Variants in CSMD1 observed in about 807,000 individuals in gnomAD.
CSMD1 encodes CUB and sushi domain-containing protein 1.
CSMD1 carries 213 observed loss-of-function variants against 417.5 expected under a neutral mutation model. The observed-to-expected ratio is 0.51, with a 90% confidence interval of 0.46 to 0.57. The LOEUF is 0.57. CSMD1 is among the 20% of genes least tolerant of loss of function. The pLI, the probability that CSMD1 is intolerant of heterozygous loss-of-function variation, is 0.00. For synonymous variants in CSMD1, 2,862 were observed against 1,736.8 expected (o/e 1.65, Z -16.11); for missense variants, 6,923 against 4,529.7 (o/e 1.53, Z -15.17).
intron 1 of CSMD1, chr8:4,787,357 C>A (rs1458648480): frequency 1.8e-5 from 13 of 732,942 alleles, no homozygotes; most frequent in Non-Finnish European, 2.7e-5. Flanking sequence ...GTACTGAACA[C>A]TGGTAAAAAA....
chr8:4,289,381 G>A (rs1332148090), intron 3 of CSMD1, among the ~76,000 whole-genome samples: 2 of 140,584 alleles, frequency 1.4e-5, no homozygotes, highest in South Asian at 2.5e-4. Flanking sequence ...GATTAACATC[G>A]ATCAATTAGT....
chr8:4,047,886 G>A (rs960915911), intron 3 of CSMD1, among the ~76,000 whole-genome samples: 1 of 151,952 alleles, frequency 6.6e-6, no homozygotes, highest in Non-Finnish European at 1.5e-5. Context: ...TTACATCACT[G>A]AGCCTTTAGT....
At chr8:3,895,266 C>G (rs186212483) in intron 5 of CSMD1, among the ~76,000 whole-genome samples, 29 of 152,118 alleles carry the variant, frequency 1.9e-4, no homozygotes, top group Non-Finnish European at 4.0e-4. Context: ...AAGAGATGGT[C>G]TACTGCTTTC....
chr8:3,234,931 G>C (rs142271420), intron 26 of CSMD1, among the ~76,000 whole-genome samples: 58 of 152,256 alleles, frequency 3.8e-4, no homozygotes, highest in African/African-American at 1.3e-3. Flanking sequence ...CTGGTTTTCA[G>C]AAAATAATCA....
In CSMD1 at chr8:4,204,832, A is replaced by AT. The variant is rs11284145; in HGVS notation, c.416-172734dup. 4.3e-3 allele frequency among the ~76,000 whole-genome samples: 643 copies of AT among 151,186 alleles called. 3 individuals carry two copies. The highest frequency in any genetic ancestry group is 0.021 in the Middle Eastern group (6 of 292). On this transcript the variant is annotated intron_variant, in intron 3 of 69. Coordinates refer to ENST00000635120, the MANE Select transcript of CSMD1 (RefSeq NM_033225.6). ...AGCACACACAGCTAACTTTTATTTAATTTTTTTTTACAAAGACAGGGTATC... is the reference window on the plus strand; with the variant it reads ...AGCACACACAGCTAACTTTTATTTAATTTTTTTTTTACAAAGACAGGGTATC...
At chr8:3,952,233 G>C (rs1471623235) in intron 5 of CSMD1, among the ~76,000 whole-genome samples, 1 of 152,074 alleles carries the variant, frequency 6.6e-6, no homozygotes. Context: ...GATTAAGATG[G>C]TATGGGCCTT....
intron 2 of CSMD1, among the ~76,000 whole-genome samples, chr8:4,569,831 G>A (rs771737573): frequency 1.3e-5 from 2 of 152,070 alleles, no homozygotes. Context: ...GCACTGATTT[G>A]TAGTTCTCCT....
intron 6 of CSMD1, among the ~76,000 whole-genome samples, chr8:3,712,745 G>A (rs776411432): frequency 2.6e-5 from 4 of 152,070 alleles, no homozygotes; most frequent in Non-Finnish European, 5.9e-5. Flanking sequence ...TTCAATGCAC[G>A]CCAAAGTTAG....
At chr8:4,783,090 T>C (rs113216196) in intron 1 of CSMD1, among the ~76,000 whole-genome samples, 9 of 152,308 alleles carry the variant, frequency 5.9e-5, no homozygotes, top group African/African-American at 2.2e-4. Context: ...GTAAAATCAA[T>C]TCAGTCCACA....
At chr8:4,737,871 CA>C (rs1810348426) in intron 1 of CSMD1, among the ~76,000 whole-genome samples, 1 of 152,084 alleles carries the variant, frequency 6.6e-6, no homozygotes, top group Non-Finnish European at 1.5e-5. Flanking sequence ...CCCACAACAA[CA>C]AAGTTAATCC....
At chr8:3,586,404 G>A in intron 8 of CSMD1, 144 bp from the exon 9 acceptor site, 2 of 667,682 alleles carry the variant, frequency 3.0e-6, no homozygotes, top group Non-Finnish European at 4.7e-6. Flanking sequence ...TAGGTAGTAT[G>A]TATAGAGGCA....
intron 10 of CSMD1, among the ~76,000 whole-genome samples, chr8:3,500,393 A>T (rs1013694255): frequency 1.3e-5 from 2 of 152,180 alleles, no homozygotes; most frequent in African/African-American, 4.8e-5. Flanking sequence ...AGAAAAAAAC[A>T]GTATGGAGCT....
chr8:3,583,315 C>T (rs911052065), intron 9 of CSMD1, among the ~76,000 whole-genome samples: 5 of 151,724 alleles, frequency 3.3e-5, no homozygotes, highest in African/African-American at 1.2e-4. Flanking sequence ...GCTTTGGAAC[C>T]GGGTTGTGGG....
intron 1 of CSMD1, among the ~76,000 whole-genome samples, chr8:4,721,573 G>C (rs985137137): frequency 6.6e-6 from 1 of 152,186 alleles, no homozygotes; most frequent in Admixed American, 6.6e-5. Flanking sequence ...TGTTGACAAA[G>C]ATGTAAAGAA....
intron 1 of CSMD1, among the ~76,000 whole-genome samples, chr8:4,709,745 G>A (rs1024409195): frequency 6.6e-6 from 1 of 152,196 alleles, no homozygotes; most frequent in Non-Finnish European, 1.5e-5. Flanking sequence ...GTGCAGGTGA[G>A]CTCCATCAGT....
chr8:4,108,724 T>A (rs764898687), intron 3 of CSMD1, among the ~76,000 whole-genome samples: 3 of 151,596 alleles, frequency 2.0e-5, no homozygotes, highest in African/African-American at 7.2e-5. Flanking sequence ...ACGAAGTGTA[T>A]GCATACCGAC....
intron 7 of CSMD1, among the ~76,000 whole-genome samples, chr8:3,637,253 C>A (rs1360553650): frequency 6.6e-6 from 1 of 152,054 alleles, no homozygotes; most frequent in Non-Finnish European, 1.5e-5. Flanking sequence ...TAATCCTTAC[C>A]TAAAAACAGG....
chr8:4,153,768 C>T (rs987402737), intron 3 of CSMD1, among the ~76,000 whole-genome samples: 1 of 152,194 alleles, frequency 6.6e-6, no homozygotes, highest in African/African-American at 2.4e-5. Context: ...TGCTCTAAAA[C>T]CCTTTGTCAG....
In CSMD1 at chr8:2,965,936, G is replaced by T; in HGVS notation, c.9119C>A (p.Pro3040Gln). The change falls in exon 59 of 70, where the codon CCA (proline) becomes CAA (glutamine). Residue 3040 changes from proline (P) to glutamine (Q), a missense_variant. Physicochemically the swap from Pro to Gln is moderately conservative, Grantham distance 76. Coordinates refer to ENST00000635120, the MANE Select transcript of CSMD1 (RefSeq NM_033225.6). ...PDCTIISCGD[P>Q]GTLANGIQFG... Reference sequence around the variant, plus strand: ...CTGGATGCCATTTGCTAGTGTGCCTGGATCCCCACAACTTATAACTAATAA... The same window carrying T: ...CTGGATGCCATTTGCTAGTGTGCCTTGATCCCCACAACTTATAACTAATAA... 6.2e-7 allele frequency: 1 copy of T among 1,606,664 alleles called. No homozygotes were observed. The highest frequency in any genetic ancestry group is 8.5e-7 in the Non-Finnish European group (1 of 1,176,468).
Sources: allele counts gnomAD v4.1 joint callset (sites outside exome capture counted in the v4.1 genomes callset), GRCh38; gene constraint gnomAD v4.1.1; transcripts MANE v1.5; gene names NCBI Gene and HGNC (gene_info 2026-07-23, HGNC 2026-07-21).